The following KCNIP4 variants were observed in gnomAD, a reference collection of about 807,000 sequenced individuals.
KCNIP4 encodes potassium voltage-gated channel interacting protein 4.
In KCNIP4, 12 loss-of-function variants were observed where a neutral mutation model predicts 34.0. The ratio of observed to expected loss-of-function variants is 0.35; its 90% CI spans 0.23 to 0.57. The LOEUF (loss-of-function observed/expected upper bound fraction) is 0.57. Among genes scored for constraint, KCNIP4 ranks in the 20% least tolerant of loss-of-function variants. KCNIP4 has a pLI of 0.83. For missense variants in KCNIP4, 238 were observed against 311.7 expected (o/e 0.76, Z 1.78); for synonymous variants, 124 against 102.2 (o/e 1.21, Z -1.29).
intron 3 of KCNIP4, among the ~76,000 whole-genome samples, chr4:20,802,826 G>A (rs1300369402): frequency 6.6e-5 from 10 of 151,916 alleles, no homozygotes; most frequent in African/African-American, 2.2e-4. Flanking sequence ...CTGTAATCCG[G>A]CAGTTTGGGA....
At chr4:21,615,528 A>G (rs1420674373) in intron 1 of KCNIP4, among the ~76,000 whole-genome samples, 4 of 151,624 alleles carry the variant, frequency 2.6e-5, no homozygotes, top group Non-Finnish European at 5.9e-5. Flanking sequence ...CCTGGGCTAC[A>G]GGGCGAGACT....
intron 1 of KCNIP4, among the ~76,000 whole-genome samples, chr4:21,206,622 A>G (rs1167982510): frequency 6.6e-6 from 1 of 152,160 alleles, no homozygotes; most frequent in Non-Finnish European, 1.5e-5. Flanking sequence ...GCATTATGTG[A>G]GCTTGAACAA....
intron 1 of KCNIP4, among the ~76,000 whole-genome samples, chr4:21,343,087 G>A (rs1412841237): frequency 6.6e-6 from 1 of 152,074 alleles, no homozygotes; most frequent in East Asian, 1.9e-4. Flanking sequence ...GAAAGAAAGG[G>A]TTTATGAAAG....
chr4:21,690,691 TC>T (rs1214787047), intron 1 of KCNIP4, among the ~76,000 whole-genome samples: 3 of 152,308 alleles, frequency 2.0e-5, no homozygotes, highest in East Asian at 3.9e-4. Context: ...CCTCAGGTAT[TC>T]CTTTACAGCA....
chr4:21,405,236 T>G (rs1346265228), intron 1 of KCNIP4, among the ~76,000 whole-genome samples: 1 of 152,166 alleles, frequency 6.6e-6, no homozygotes, highest in Non-Finnish European at 1.5e-5. Flanking sequence ...AATCCCCACT[T>G]TCTCATGCCA....
At chr4:21,496,931 G>A (rs940228478) in intron 1 of KCNIP4, among the ~76,000 whole-genome samples, 2 of 152,142 alleles carry the variant, frequency 1.3e-5, no homozygotes, top group African/African-American at 4.8e-5. Context: ...TCACGAAACT[G>A]GTCCCTAGTG....
intron 1 of KCNIP4, among the ~76,000 whole-genome samples, chr4:21,741,508 T>C (rs1333255058): frequency 5.3e-5 from 8 of 152,096 alleles, no homozygotes; most frequent in African/African-American, 1.7e-4. Context: ...CTAAATGAGA[T>C]TTGAAAACAA....
At chr4:21,795,591 T>C (rs1475754399) in intron 1 of KCNIP4, among the ~76,000 whole-genome samples, 1 of 152,188 alleles carries the variant, frequency 6.6e-6, no homozygotes, top group African/African-American at 2.4e-5. Context: ...ACTCTTCTCA[T>C]TGGAATTGTC....
intron 1 of KCNIP4, among the ~76,000 whole-genome samples, chr4:21,728,460 C>A (rs1344110449): frequency 6.6e-6 from 1 of 152,148 alleles, no homozygotes; most frequent in African/African-American, 2.4e-5. Context: ...CTATTTATTG[C>A]AGTAGCCTCT....
intron 8 of KCNIP4, among the ~76,000 whole-genome samples, chr4:20,730,664 C>G (rs756049933): frequency 4.3e-4 from 66 of 152,240 alleles, no homozygotes; most frequent in Middle Eastern, 3.4e-3. Context: ...GCTGCATGGC[C>G]TGAAGGAGCC....
intron 1 of KCNIP4, among the ~76,000 whole-genome samples, chr4:21,315,612 T>C (rs912092381): frequency 5.9e-5 from 9 of 152,148 alleles, no homozygotes; most frequent in African/African-American, 1.9e-4. Context: ...TCCCAGACAG[T>C]ACCAAATCGA....
Position 21,720,013 on chromosome 4 carries a change from A to AAGAAGAAGG in KCNIP4, c.61+228557_61+228558insCCTTCTTCT, listed in dbSNP as rs1553924606. Among the ~76,000 whole-genome samples, 592 of 131,240 alleles carry AAGAAGAAGG rather than the reference A, an allele frequency of 4.5e-3. 6 individuals are homozygous for AAGAAGAAGG. Among genetic ancestry groups the AAGAAGAAGG allele is most frequent in the African/African-American group, 0.018 (561 of 31,574 alleles). 86.1% of individuals were successfully genotyped at this position (131,240 alleles called of 152,430 possible). On this transcript the variant is annotated intron_variant, in intron 1 of 8. Coordinates refer to ENST00000382152, the MANE Select transcript of KCNIP4 (RefSeq NM_025221.6). ...GGAAGAAGAAAAGAAAAAGAAGAAGAAGAAGGAGAAGGAGAAGGAGAAGGA... is the reference window on the plus strand; with the variant it reads ...GGAAGAAGAAAAGAAAAAGAAGAAGAAGAAGAAGGAGAAGGAGAAGGAGAAGGAGAAGGA...
intron 1 of KCNIP4, among the ~76,000 whole-genome samples, chr4:21,102,157 C>G (rs1748003979): frequency 6.6e-6 from 1 of 152,156 alleles, no homozygotes; most frequent in Non-Finnish European, 1.5e-5. Context: ...GATTCTCTTT[C>G]AACTATTGTG....
intron 1 of KCNIP4, among the ~76,000 whole-genome samples, chr4:21,312,292 A>G (rs1239364500): frequency 1.3e-5 from 2 of 152,212 alleles, no homozygotes; most frequent in Non-Finnish European, 2.9e-5. Context: ...TCAAACTGTT[A>G]TGTGCATCAG....
intron 1 of KCNIP4, among the ~76,000 whole-genome samples, chr4:21,359,478 T>C (rs560264921): frequency 6.6e-6 from 1 of 152,246 alleles, no homozygotes; most frequent in African/African-American, 2.4e-5. Flanking sequence ...GCCCATGCTA[T>C]CAGGCATCAT....
intron 1 of KCNIP4, among the ~76,000 whole-genome samples, chr4:20,887,304 G>A (rs887567472): frequency 3.3e-5 from 5 of 151,158 alleles, no homozygotes; most frequent in Non-Finnish European, 5.9e-5. Context: ...CATAATGAGA[G>A]GTGAGATAAA....
rs1730441057 is a variant in KCNIP4 at position 20,931,246 on chromosome 4, A to T, written c.62-48537T>A. Among the ~76,000 whole-genome samples, 3 of 152,118 alleles carry T rather than the reference A, an allele frequency of 2.0e-5. No homozygotes were observed. In the Middle Eastern group the frequency reaches 0.01, roughly 517 times the overall value. ...ACTGAATATTCTTCAGCCATAAAAA[A>T]AGGTGATCCTGCCATTTGCCATGAC... On this transcript the variant is annotated intron_variant, in intron 1 of 8. Transcript: ENST00000382152.
intron 1 of KCNIP4, among the ~76,000 whole-genome samples, chr4:21,457,237 G>A (rs947703211): frequency 9.2e-5 from 14 of 151,912 alleles, no homozygotes; most frequent in African/African-American, 1.7e-4. Context: ...CTTCTTCTCC[G>A]GGACCGCCCC....
intron 3 of KCNIP4, among the ~76,000 whole-genome samples, chr4:20,796,518 T>C (rs1213041188): frequency 6.6e-6 from 1 of 152,054 alleles, no homozygotes; most frequent in Non-Finnish European, 1.5e-5. Context: ...TGACTCTGCC[T>C]AACTCTTCAC....
Sources: gnomAD v4.1 joint callset for allele counts (sites outside exome capture counted in the v4.1 genomes callset) on GRCh38, gnomAD v4.1.1 for gene constraint, MANE v1.5 for transcripts, NCBI Gene and HGNC (gene_info 2026-07-23, HGNC 2026-07-21) for gene names.